The following RNF212B variants were observed in gnomAD, a reference collection of about 807,000 sequenced individuals.
RNF212B encodes ring finger protein 212B.
In RNF212B, 52 loss-of-function variants were observed where a neutral mutation model predicts 55.5. The ratio of observed to expected loss-of-function variants is 0.94; its 90% CI spans 0.75 to 1.18. The LOEUF (loss-of-function observed/expected upper bound fraction) is 1.18. Ranked by LOEUF, RNF212B falls within the 50% of genes most tolerant of loss-of-function variation. The pLI is 0.00. For synonymous variants in RNF212B, 99 were observed against 121.4 expected (o/e 0.82, Z 1.21); for missense variants, 289 against 350.4 (o/e 0.82, Z 1.40).
At chr14:23,270,235 C>T (rs906299842) in intron 13 of RNF212B, among the ~76,000 whole-genome samples, 2 of 152,160 alleles carry the variant, frequency 1.3e-5, no homozygotes, top group African/African-American at 4.8e-5. Context: ...TCAAAAGTCC[C>T]TATATTGAAA....
At chr14:23,188,865 T>C (rs906351258) in intron 1 of RNF212B, among the ~76,000 whole-genome samples, 1 of 152,162 alleles carries the variant, frequency 6.6e-6, no homozygotes, top group Non-Finnish European at 1.5e-5. Context: ...TGCCTGGCAC[T>C]CAATAAATAT....
At chr14:23,193,751 C>A (rs897191099) in intron 2 of RNF212B, among the ~76,000 whole-genome samples, 37 of 147,318 alleles carry the variant, frequency 2.5e-4, no homozygotes, top group East Asian at 7.9e-4. Flanking sequence ...GAAGATTTAA[C>A]AAAAAAAAAA....
chr14:23,248,686 C>T (rs1884186075), intron 4 of RNF212B, among the ~76,000 whole-genome samples: 1 of 151,846 alleles, frequency 6.6e-6, no homozygotes. Flanking sequence ...GTGATCCGCC[C>T]ACCTCAGCCT....
intron 4 of RNF212B, among the ~76,000 whole-genome samples, chr14:23,257,193 T>C (rs745612104): frequency 1.3e-5 from 2 of 152,026 alleles, no homozygotes; most frequent in Admixed American, 6.6e-5. Flanking sequence ...TCAAAATTAT[T>C]TTTCATAGAG....
chr14:23,206,161 GCCTC>G (rs1879811670), intron 2 of RNF212B, among the ~76,000 whole-genome samples: 1 of 151,996 alleles, frequency 6.6e-6, no homozygotes, highest in Admixed American at 6.6e-5. Context: ...TGCAACCTCT[GCCTC>G]CTGGGTTCAA....
At chr14:23,214,615 T>A (rs1439959503) in intron 2 of RNF212B, among the ~76,000 whole-genome samples, 3 of 148,106 alleles carry the variant, frequency 2.0e-5, no homozygotes, top group Non-Finnish European at 4.4e-5. Context: ...CTTCATTGGA[T>A]AGGATCAATA....
intron 4 of RNF212B, among the ~76,000 whole-genome samples, chr14:23,250,825 G>T (rs1354613612): frequency 6.6e-6 from 1 of 152,182 alleles, no homozygotes; most frequent in African/African-American, 2.4e-5. Context: ...GATCGGGAAA[G>T]GTGGGACAGC....
intron 1 of RNF212B, chr14:23,188,339 A>C (rs1877793359): frequency 6.6e-6 from 1 of 152,306 alleles, no homozygotes; most frequent in Non-Finnish European, 1.5e-5. Flanking sequence ...TGCTGGGTCC[A>C]ATCTGTCATG....
chr14:23,262,765 T>C (rs934025118), intron 8 of RNF212B, 54 bp downstream of exon 8: 13 of 1,510,762 alleles, frequency 8.6e-6, no homozygotes, highest in East Asian at 4.9e-5. Context: ...CCTTTCCTTA[T>C]GTAGAAGATG....
At chr14:23,215,533 A>C (rs1473272647) in intron 2 of RNF212B, among the ~76,000 whole-genome samples, 1 of 151,948 alleles carries the variant, frequency 6.6e-6, no homozygotes, top group Non-Finnish European at 1.5e-5. Flanking sequence ...CACACACACA[A>C]ACAAACAGAA....
intron 4 of RNF212B, among the ~76,000 whole-genome samples, chr14:23,247,282 C>T (rs1259761940): frequency 1.3e-5 from 2 of 151,890 alleles, no homozygotes; most frequent in Non-Finnish European, 2.9e-5. Context: ...AAAATTTACC[C>T]TTTTAAAGTA....
chr14:23,216,879 CAAA>C (rs59923716), intron 2 of RNF212B, among the ~76,000 whole-genome samples: 536 of 48,732 alleles, frequency 0.011, 5 homozygotes, highest in African/African-American at 0.043. Flanking sequence ...GACCCTGTCT[CAAA>C]AAAAAAAAAA....
chr14:23,220,711 G>C (rs1453001420), intron 2 of RNF212B, among the ~76,000 whole-genome samples: 1 of 151,778 alleles, frequency 6.6e-6, no homozygotes, highest in Non-Finnish European at 1.5e-5. Flanking sequence ...TGTAGTCCCA[G>C]CTACTCAGGA....
intron 2 of RNF212B, among the ~76,000 whole-genome samples, chr14:23,221,139 C>A (rs187568779): frequency 0.012 from 1,810 of 151,696 alleles, 33 homozygotes; most frequent in Non-Finnish European, 0.014. Context: ...ATAATCCCAG[C>A]ACTTTGGGAG....
intron 2 of RNF212B, among the ~76,000 whole-genome samples, chr14:23,241,780 G>A (rs1204646622): frequency 3.3e-5 from 5 of 151,626 alleles, no homozygotes; most frequent in African/African-American, 7.3e-5. Context: ...GCAACGTTAC[G>A]GACTGGGAAA....
intron 1 of RNF212B, among the ~76,000 whole-genome samples, chr14:23,238,779 T>TC (rs762102779): frequency 0.029 from 4,295 of 147,388 alleles, 110 homozygotes; most frequent in Non-Finnish European, 0.038. Context: ...ATAATAATAA[T>TC]AATCCCACAA....
chr14:23,196,207 C>T (rs1357729667), intron 2 of RNF212B, among the ~76,000 whole-genome samples: 2 of 152,086 alleles, frequency 1.3e-5, no homozygotes, highest in African/African-American at 4.8e-5. Context: ...TTACCAGGTG[C>T]CGAAAAATTT....
intron 2 of RNF212B, among the ~76,000 whole-genome samples, chr14:23,199,321 G>A (rs1170039445): frequency 2.0e-5 from 3 of 152,082 alleles, no homozygotes; most frequent in Non-Finnish European, 2.9e-5. Context: ...CCAGGTCACA[G>A]ATAGGTGATA....
At chr14:23,220,168 G>A (rs897011491) in intron 2 of RNF212B, among the ~76,000 whole-genome samples, 2 of 147,902 alleles carry the variant, frequency 1.4e-5, no homozygotes, top group African/African-American at 5.0e-5. Flanking sequence ...TGGGCAACAA[G>A]AGCAAAACTG....
Sources: gnomAD v4.1 joint callset for allele counts (sites outside exome capture counted in the v4.1 genomes callset) on GRCh38, gnomAD v4.1.1 for gene constraint, MANE v1.5 for transcripts, NCBI Gene and HGNC (gene_info 2026-07-23, HGNC 2026-07-21) for gene names.